Variants in LTBP1 observed in about 807,000 individuals in gnomAD.
LTBP1 encodes latent transforming growth factor beta binding protein 1, also known as latent-transforming growth factor beta-binding protein 1.
LTBP1 carries 129 observed loss-of-function variants against 207.6 expected under a neutral mutation model. The ratio of observed to expected loss-of-function variants is 0.62; its 90% CI spans 0.54 to 0.72. LTBP1 has a LOEUF of 0.72. Among genes scored for constraint, LTBP1 ranks in the 30% least tolerant of loss-of-function variants. LTBP1 has a pLI of 0.00. For synonymous variants in LTBP1, 963 were observed against 833.7 expected (o/e 1.16, Z -2.67); for missense variants, 2,281 against 2,217.2 (o/e 1.03, Z -0.58).
At chr2:33,276,711 T>A (rs2093433795) in intron 18 of LTBP1, among the ~76,000 whole-genome samples, 1 of 151,976 alleles carries the variant, frequency 6.6e-6, no homozygotes, top group Non-Finnish European at 1.5e-5. Flanking sequence ...ATTAGCTGGA[T>A]GTGGTGGCAC....
chr2:33,363,811 C>A (rs565671149), intron 29 of LTBP1, among the ~76,000 whole-genome samples: 1 of 152,318 alleles, frequency 6.6e-6, no homozygotes, highest in East Asian at 1.9e-4. Context: ...CATCCTGTTT[C>A]ATCACTCATA....
chr2:33,114,703 G>A (rs376662853), intron 4 of LTBP1, among the ~76,000 whole-genome samples: 1 of 152,150 alleles, frequency 6.6e-6, no homozygotes, highest in East Asian at 1.9e-4. Context: ...GGGCCACACA[G>A]CAATTGGGAA....
At chr2:33,373,804 G>T (rs1488306701) in intron 31 of LTBP1, among the ~76,000 whole-genome samples, 1 of 152,068 alleles carries the variant, frequency 6.6e-6, no homozygotes, top group African/African-American at 2.4e-5. Context: ...GTGTAAAGTT[G>T]TATTTAATGA....
intron 32 of LTBP1, among the ~76,000 whole-genome samples, chr2:33,393,845 T>C (rs2095337282): frequency 6.6e-6 from 1 of 152,224 alleles, no homozygotes; most frequent in African/African-American, 2.4e-5. Context: ...TTTCTAGTTC[T>C]AGATCCTTGA....
rs192986566 is a variant in LTBP1 at position 33,090,676 on chromosome 2, T to C, written c.864-19906T>C. ...GAGGCTAGAATAGGTCACGTTACCC[T>C]GTTGATGATCTTTGCTGTCTTCAAA... On this transcript the variant is annotated intron_variant, in intron 3 of 33. Coordinates refer to ENST00000404816, the MANE Select transcript of LTBP1 (RefSeq NM_206943.4). 3.4e-3 allele frequency among the ~76,000 whole-genome samples: 522 copies of C among 152,306 alleles called. 3 individuals are homozygous for C. The highest frequency in any genetic ancestry group is 0.011 in the African/African-American group (477 of 41,568).
intron 20 of LTBP1, among the ~76,000 whole-genome samples, chr2:33,296,801 A>T (rs958553366): frequency 2.6e-5 from 4 of 152,296 alleles, no homozygotes; most frequent in African/African-American, 9.6e-5. Context: ...GAGCTTGGAT[A>T]AGTTACGGTA....
At chr2:32,991,133 A>C (rs975753172) in intron 2 of LTBP1, among the ~76,000 whole-genome samples, 2 of 152,132 alleles carry the variant, frequency 1.3e-5, no homozygotes, top group Non-Finnish European at 2.9e-5. Context: ...TTTGCTTTTT[A>C]TCTCATATAA....
chr2:32,960,785 A>G (rs1236316552), intron 2 of LTBP1, among the ~76,000 whole-genome samples: 1 of 152,186 alleles, frequency 6.6e-6, no homozygotes, highest in Non-Finnish European at 1.5e-5. Flanking sequence ...ATTTTAGGCC[A>G]ACAGAATGGC....
chr2:33,304,859 C>G (rs1422257292), intron 22 of LTBP1, among the ~76,000 whole-genome samples: 1 of 152,184 alleles, frequency 6.6e-6, no homozygotes, highest in African/African-American at 2.4e-5. Flanking sequence ...GATAGTATTT[C>G]TTTCCAAATC....
intron 3 of LTBP1, among the ~76,000 whole-genome samples, chr2:33,049,440 T>C (rs1287980838): frequency 1.3e-5 from 2 of 152,206 alleles, no homozygotes; most frequent in African/African-American, 4.8e-5. Flanking sequence ...ATATCTCTTT[T>C]GAGCTAGGCC....
chr2:33,280,985 C>T (rs566140961), intron 19 of LTBP1, among the ~76,000 whole-genome samples: 2 of 152,170 alleles, frequency 1.3e-5, no homozygotes, highest in South Asian at 2.1e-4. Context: ...GTGGGAGGAT[C>T]GCTTGAGTCC....
At chr2:33,205,265 T>C (rs925891535) in intron 7 of LTBP1, among the ~76,000 whole-genome samples, 2 of 152,262 alleles carry the variant, frequency 1.3e-5, no homozygotes, top group African/African-American at 4.8e-5. Flanking sequence ...TTATTGCATT[T>C]AGAATCTAAT....
chr2:33,275,425 C>T (rs2093404980), intron 17 of LTBP1, among the ~76,000 whole-genome samples: 1 of 152,124 alleles, frequency 6.6e-6, no homozygotes, highest in Admixed American at 6.5e-5. Context: ...TGGCCCACAC[C>T]TGTAATCCCA....
At chr2:33,009,886 C>A (rs572588699) in intron 2 of LTBP1, among the ~76,000 whole-genome samples, 1 of 152,130 alleles carries the variant, frequency 6.6e-6, no homozygotes, top group African/African-American at 2.4e-5. Context: ...ATCGATGAGA[C>A]CGTTGGATGT....
intron 24 of LTBP1, among the ~76,000 whole-genome samples, chr2:33,340,597 G>A (rs2094607345): frequency 6.6e-6 from 1 of 152,182 alleles, no homozygotes; most frequent in Admixed American, 6.5e-5. Context: ...TGATGAGCTG[G>A]TCACTGGTGC....
intron 20 of LTBP1, among the ~76,000 whole-genome samples, chr2:33,297,209 C>G (rs187068637): frequency 6.0e-4 from 91 of 152,158 alleles, no homozygotes; most frequent in African/African-American, 2.0e-3. Flanking sequence ...ACCTCTACTC[C>G]GATTCTAATG....
chr2:32,947,813 G>A lies in LTBP1; in HGVS notation c.489G>A (p.Leu163=), dbSNP rs1676434849. 3 of 1,436,602 alleles carry A rather than the reference G, an allele frequency of 2.1e-6. No individual in the cohort carries two copies. Among genetic ancestry groups the A allele is most frequent in the Non-Finnish European group, 2.8e-6 (3 of 1,088,062 alleles). 89.0% of individuals were successfully genotyped at this position (1,436,602 alleles called of 1,614,324 possible). A position where few individuals can be genotyped will look rare whatever the true frequency, so the allele number is the denominator to read the frequency against. Residue 163 remains leucine, a synonymous_variant, in exon 1 of 34, where the codon CTG becomes CTA. Transcript: ENST00000404816. ...TGCAGGTTCACCAGAAGCAGCAGCT[G>A]CAGGGGTAAGCCCACACCCCCTTCC... The part of the protein sequence containing the change: ...SRLQVHQKQQ[L]QGVNVCGGRC...
chr2:33,376,992 GGAAA>G (rs1256643923), intron 31 of LTBP1, among the ~76,000 whole-genome samples: 1 of 152,150 alleles, frequency 6.6e-6, no homozygotes, highest in Non-Finnish European at 1.5e-5. Flanking sequence ...TGCATTGGAA[GGAAA>G]GAAAGCAATG....
At chr2:32,978,871 A>G (rs1392445542) in intron 2 of LTBP1, among the ~76,000 whole-genome samples, 2 of 151,612 alleles carry the variant, frequency 1.3e-5, no homozygotes, top group East Asian at 3.9e-4. Flanking sequence ...TTTTTATTAC[A>G]GCGTTGATAT....
Sources: gnomAD v4.1 joint callset for allele counts (sites outside exome capture counted in the v4.1 genomes callset) on GRCh38, gnomAD v4.1.1 for gene constraint, MANE v1.5 for transcripts, NCBI Gene and HGNC (gene_info 2026-07-23, HGNC 2026-07-21) for gene names.